Variants in KLC1 observed in about 807,000 individuals in gnomAD.
The protein encoded by KLC1 is kinesin 2 60/70kDa.
Under a neutral mutation model 84.2 loss-of-function variants are expected in KLC1, and 30 were observed. The ratio of observed to expected loss-of-function variants is 0.36; its 90% CI spans 0.27 to 0.48. The LOEUF (loss-of-function observed/expected upper bound fraction) is 0.48. Among genes scored for constraint, KLC1 ranks in the 20% least tolerant of loss-of-function variants. The pLI is 0.99. For missense variants in KLC1, 499 were observed against 805.4 expected (o/e 0.62, Z 4.60); for synonymous variants, 289 against 293.3 (o/e 0.99, Z 0.15).
intron 3 of KLC1, among the ~76,000 whole-genome samples, chr14:103,661,031 C>G (rs1432792882): frequency 6.6e-6 from 1 of 152,122 alleles, no homozygotes; most frequent in East Asian, 1.9e-4. Context: ...TTACCCTTTC[C>G]AGAGTACTTA....
At chr14:103,658,908 C>T (rs1472407156) in intron 3 of KLC1, among the ~76,000 whole-genome samples, 4 of 152,100 alleles carry the variant, frequency 2.6e-5, no homozygotes, top group East Asian at 3.9e-4. Context: ...CTGCCTGCCT[C>T]GGCCTCCCAA....
At chr14:103,638,061 C>T (rs1181754542) in intron 1 of KLC1, among the ~76,000 whole-genome samples, 2 of 152,022 alleles carry the variant, frequency 1.3e-5, no homozygotes, top group South Asian at 2.1e-4. Flanking sequence ...CACCTCAGGA[C>T]CCTCTTTGCT....
At chr14:103,675,888 C>G (rs1173817483) in intron 11 of KLC1, 132 bp downstream of exon 11, 1 of 697,058 alleles carries the variant, frequency 1.4e-6, no homozygotes, top group Admixed American at 2.7e-5. Context: ...TTCCCGAATT[C>G]CAATTAAAAA....
At chr14:103,664,668 C>T (rs538801418) in intron 5 of KLC1, among the ~76,000 whole-genome samples, 119 of 152,086 alleles carry the variant, frequency 7.8e-4, no homozygotes, top group Non-Finnish European at 1.4e-3. Context: ...GCATGCACCA[C>T]TACACCCAGC....
chr14:103,682,901 A>C (rs2081486614), intron 13 of KLC1: 1 of 151,752 alleles, frequency 6.6e-6, no homozygotes, highest in South Asian at 2.1e-4. Flanking sequence ...TCAGCCTAGA[A>C]GGCATTTTAA....
At position 103,693,443 on chromosome 14, in the gene KLC1, C is replaced by T. The variant is rs1429710398; in HGVS notation, c.1848+1018C>T. On this transcript the variant is annotated intron_variant, in intron 15 of 16. Coordinates refer to ENST00000334553, the MANE Select transcript of KLC1 (RefSeq NM_001394837.1). The surrounding 1 kb of genome is among the most constrained non-coding windows in gnomAD (Gnocchi z 5.1). Reference sequence around the variant, plus strand: ...ATTGACCCCTGGGCCTCTCGAGTGCCAACCTAGATTTAGCTGTGCAGCTGG... The same window carrying T: ...ATTGACCCCTGGGCCTCTCGAGTGCTAACCTAGATTTAGCTGTGCAGCTGG... 2.0e-6 allele frequency: 3 copies of T among 1,501,986 alleles called. No individual in the cohort carries two copies. The Admixed American group carries it at 6.2e-5, about 31-fold the overall frequency. The allele number at this position is 1,501,986 out of a possible 1,614,324, so 93.0% of individuals were successfully genotyped here.
chr14:103,683,319 C>T (rs1181313846), intron 13 of KLC1: 1 of 152,220 alleles, frequency 6.6e-6, no homozygotes, highest in Non-Finnish European at 1.5e-5. Context: ...TATGATTAAA[C>T]TACTTGACAG....
At chr14:103,676,569 C>CT (rs2080897619) in intron 11 of KLC1, among the ~76,000 whole-genome samples, 1 of 152,086 alleles carries the variant, frequency 6.6e-6, no homozygotes, top group South Asian at 2.1e-4. Context: ...TCTTTCCACT[C>CT]TTAACTTTCC....
chr14:103,683,636 G>C (rs150892414), intron 13 of KLC1: 3 of 152,270 alleles, frequency 2.0e-5, no homozygotes, highest in Admixed American at 6.5e-5. Flanking sequence ...AAGACACACA[G>C]AGCCACATCA....
At chr14:103,654,451 ATATT>A in intron 1 of KLC1, 109 bp from the exon 2 acceptor site, 1 of 743,322 alleles carries the variant, frequency 1.3e-6, no homozygotes, top group East Asian at 2.8e-5. Context: ...ACAAATGTGC[ATATT>A]TATTATTCCC....
At position 103,678,545 on chromosome 14, in the gene KLC1, C is replaced by T. The variant is rs114842642; in HGVS notation, c.1489-839C>T. On this transcript the variant is annotated intron_variant, in intron 12 of 16. Transcript: ENST00000334553. ...ACAAAAGTTTTTTTTTTTAAATTAG[C>T]CAGGTGTGTTGGCCCAAGCCTGTGG... Among the ~76,000 whole-genome samples the T allele has an allele frequency of 1.5e-3, 233 of 151,606 alleles. 2 individuals carry two copies. Among genetic ancestry groups the T allele is most frequent in the African/African-American group, 4.9e-3 (201 of 41,346 alleles).
rs778135920 is a variant in KLC1 at position 103,662,153 on chromosome 14, A to T, written c.530A>T (p.Asp177Val). ...ACTGATTCTACCAAAGAGCCTCTGG[A>T]TGACCTTTTCCCCAATGATGAAGAC... ...KDTDSTKEPL[D>V]DLFPNDEDDP... The change falls in exon 4 of 17, where the codon GAT becomes GTT. Residue 177 changes from aspartate to valine, a missense_variant. Physicochemically the swap from Asp to Val is radical, Grantham distance 152. This residue lies in a region of KLC1 where 179 missense variants were observed against 264.2 expected (regional missense o/e 0.68). Transcript: ENST00000334553. The T allele has an allele frequency of 6.2e-7, 1 of 1,613,902 alleles. No homozygotes were observed. The highest frequency in any genetic ancestry group is 1.3e-5 in the African/African-American group (1 of 74,894).
chr14:103,677,286 G>A (rs902682310), intron 11 of KLC1, 129 bp from the exon 12 acceptor site: 1 of 669,456 alleles, frequency 1.5e-6, no homozygotes, highest in South Asian at 1.8e-5. Context: ...TTTCAGAAAA[G>A]TACAAGAGAA....
chr14:103,637,625 T>TCTATA (rs144552168), intron 1 of KLC1, among the ~76,000 whole-genome samples: 2,380 of 152,254 alleles, frequency 0.016, 57 homozygotes, highest in African/African-American at 0.054. Context: ...TGAAAGCATA[T>TCTATA]CTATAAATAA....
At chr14:103,634,880 C>T (rs1211838084) in intron 1 of KLC1, among the ~76,000 whole-genome samples, 1 of 152,154 alleles carries the variant, frequency 6.6e-6, no homozygotes, top group Non-Finnish European at 1.5e-5. Flanking sequence ...TGCACCCGGC[C>T]TGTTGCCTGT....
In KLC1 at chr14:103,653,039, G is replaced by C. The variant is rs146830545; in HGVS notation, c.-1-1525G>C. ...CTGATTCAGCTTTTCTTCCCTTCAT[G>C]CAGCGTCTGTCAGTCCATCCATTCA... is the stretch of plus-strand genomic sequence containing the variant. On this transcript the variant is annotated intron_variant, in intron 1 of 16. Transcript: ENST00000334553. 9.5e-4 allele frequency among the ~76,000 whole-genome samples: 144 copies of C among 152,290 alleles called. 3 individuals are homozygous for C. The East Asian group carries it at 0.02, about 21-fold the overall frequency.
intron 9 of KLC1, 78 bp downstream of exon 9, chr14:103,673,509 T>TATA: frequency 1.2e-6 from 1 of 865,818 alleles, no homozygotes; most frequent in Non-Finnish European, 1.8e-6. Flanking sequence ...ATAGTATTAG[T>TATA]TACTGTTTAT....
Position 103,669,615 on chromosome 14 carries a change from C to G in KLC1, c.885+17C>G. 6.8e-7 allele frequency: 1 copy of G among 1,471,026 alleles called. No homozygotes were observed. Among genetic ancestry groups the G allele is most frequent in the Non-Finnish European group, 9.5e-7 (1 of 1,053,508 alleles). The allele number at this position is 1,471,026 out of a possible 1,614,324, so 91.1% of individuals were successfully genotyped here. A position where few individuals can be genotyped will look rare whatever the true frequency, so the allele number is the denominator to read the frequency against. Reference sequence around the variant, plus strand: ...CATCCTGCGGTTTGTATATCCAGTTCTTTCATTCTTTTAATATTTTATTTT... The same window carrying G: ...CATCCTGCGGTTTGTATATCCAGTTGTTTCATTCTTTTAATATTTTATTTT... On this transcript the variant is annotated intron_variant, in intron 6 of 16. Transcript: ENST00000334553.
At chr14:103,648,617 C>G (rs1471756264) in intron 1 of KLC1, among the ~76,000 whole-genome samples, 3 of 150,532 alleles carry the variant, frequency 2.0e-5, no homozygotes, top group East Asian at 3.9e-4. Flanking sequence ...ACCCTCTCTA[C>G]AGAAAATAAA....
Sources: allele counts gnomAD v4.1 joint callset (sites outside exome capture counted in the v4.1 genomes callset), GRCh38; gene constraint gnomAD v4.1.1; regional missense constraint gnomAD v4.1.1; non-coding constraint Gnocchi (gnomAD v3.1); transcripts MANE v1.5; gene names NCBI Gene and HGNC (gene_info 2026-07-23, HGNC 2026-07-21).